The following GDPD3 variants were observed in gnomAD, a reference collection of about 807,000 sequenced individuals.
GDPD3 encodes glycerophosphodiester phosphodiesterase domain containing 3, also known as lysophospholipase D GDPD3.
GDPD3 carries 40 observed loss-of-function variants against 43.7 expected under a neutral mutation model. That is an observed-to-expected ratio of 0.91 (90% CI 0.71 to 1.19). GDPD3 has a LOEUF of 1.19. Among genes scored for constraint, GDPD3 ranks in the 50% most tolerant of loss-of-function variants. The pLI is 0.00. For synonymous variants in GDPD3, 145 were observed against 162.9 expected (o/e 0.89, Z 0.84); for missense variants, 363 against 415.8 (o/e 0.87, Z 1.11).
intron 7 of GDPD3, 123 bp downstream of exon 7, chr16:30,111,265 G>T: frequency 1.8e-6 from 2 of 1,096,616 alleles, no homozygotes; most frequent in Non-Finnish European, 1.3e-6. Context: ...AAGAACCACT[G>T]TCCTTAAAAG....
Position 30,104,913 on chromosome 16 carries a change from G to A in GDPD3, c.916C>T (p.His306Tyr). The A allele has an allele frequency of 1.2e-6, 2 of 1,612,702 alleles. No homozygotes were observed. Among genetic ancestry groups the A allele is most frequent in the Non-Finnish European group, 1.7e-6 (2 of 1,179,996 alleles). ...GCTGGTCCATGGTTGTCCAGGTAGTGCCGCAGGGCTGTGGGATAATCCGTT... is the reference window on the plus strand; with the variant it reads ...GCTGGTCCATGGTTGTCCAGGTAGTACCGCAGGGCTGTGGGATAATCCGTT... The part of the protein sequence containing the change: ...VITDYPTALR[H>Y]YLDNHGPAAR... The change falls in exon 10 of 10, where the codon CAC (histidine) becomes TAC (tyrosine). Residue 306 changes from histidine (H) to tyrosine (Y), a missense_variant. Coordinates refer to ENST00000406256, the MANE Select transcript of GDPD3 (RefSeq NM_024307.3).
chr16:30,105,739 G>A (rs1346377607), intron 9 of GDPD3, among the ~76,000 whole-genome samples: 1 of 149,324 alleles, frequency 6.7e-6, no homozygotes, highest in Non-Finnish European at 1.5e-5. Context: ...TCCTAACCTC[G>A]TGATCCACCC....
chr16:30,108,653 C>T (rs1794709829), intron 7 of GDPD3, among the ~76,000 whole-genome samples: 10 of 151,922 alleles, frequency 6.6e-5, no homozygotes, highest in Admixed American at 6.6e-4. Flanking sequence ...AGTCACCATT[C>T]ACCAGATAAG....
At chr16:30,105,403 G>A (rs1036856089) in intron 9 of GDPD3, among the ~76,000 whole-genome samples, 1 of 150,236 alleles carries the variant, frequency 6.7e-6, no homozygotes, top group Non-Finnish European at 1.5e-5. Context: ...GCTGCAGTGA[G>A]CTATGGTTGC....
At chr16:30,111,919 A>G (rs1480978448) in intron 6 of GDPD3, 14 of 591,120 alleles carry the variant, frequency 2.4e-5, no homozygotes, top group Non-Finnish European at 3.9e-5. Flanking sequence ...GGCGACAGAG[A>G]GAGACTGTGT....
At position 30,112,210 on chromosome 16, in the gene GDPD3, C is replaced by T. The variant is rs1374622144; in HGVS notation, c.495G>A (p.Leu165=). The stretch of plus-strand genomic sequence containing the variant: ...TTTCATTACGGTCATAGCGTCTCAC[C>T]AAGCCTGCTATCTGGGAGGAGGAGA... ...NEELIREIAG[L]VRRYDRNEIT... Residue 165 remains leucine (L), a synonymous_variant, in exon 6 of 10, where the codon TTG becomes TTA. Transcript: ENST00000406256. This position sits in a 1 kb window ranked among gnomAD's most constrained non-coding sequence, Gnocchi z 5.4. 1 of 1,614,014 alleles carries T rather than the reference C, an allele frequency of 6.2e-7. No individual in the cohort carries two copies. The highest frequency in any genetic ancestry group is 1.1e-5 in the South Asian group (1 of 91,080).
intron 7 of GDPD3, chr16:30,111,120 C>G (rs1258614343): frequency 2.7e-6 from 1 of 364,652 alleles, no homozygotes. Flanking sequence ...ATAACTGCAC[C>G]TGGGACAGAG....
chr16:30,108,934 C>T (rs1413598155), intron 7 of GDPD3, among the ~76,000 whole-genome samples: 7 of 151,952 alleles, frequency 4.6e-5, no homozygotes, highest in Non-Finnish European at 1.0e-4. Context: ...TGGGTTCACA[C>T]CATTCTCCTG....
In GDPD3 at chr16:30,104,936, G is replaced by A. The variant is rs142690557; in HGVS notation, c.893C>T (p.Thr298Met). 171 of 1,612,750 alleles carry A rather than the reference G, an allele frequency of 1.1e-4. No homozygotes were observed. Among genetic ancestry groups the A allele is most frequent in the African/African-American group, 6.1e-4 (46 of 74,876 alleles). Residue 298 changes from threonine to methionine, a missense_variant, in exon 10 of 10, where the codon ACG becomes ATG. Coordinates refer to ENST00000406256, the MANE Select transcript of GDPD3 (RefSeq NM_024307.3). Reference sequence around the variant, plus strand: ...GTGCCGCAGGGCTGTGGGATAATCCGTTATGACGCCAGTGGCTCCCACGCT... The same window carrying A: ...GTGCCGCAGGGCTGTGGGATAATCCATTATGACGCCAGTGGCTCCCACGCT... ...AFSVGATGVI[T>M]DYPTALRHYL...
Position 30,113,173 on chromosome 16 carries a change from C to A in GDPD3, c.140-109G>T. ...CTCCATCCTCCCTCTGGCCTCACCT[C>A]CCCAGCCAGCCCAGGCTGCGCCAGC... On this transcript the variant is annotated intron_variant, in intron 1 of 9. Coordinates refer to ENST00000406256, the MANE Select transcript of GDPD3 (RefSeq NM_024307.3). The surrounding 1 kb of genome is among the most constrained non-coding windows in gnomAD (Gnocchi z 5.9). 7.4e-7 allele frequency: 1 copy of A among 1,351,810 alleles called. No homozygotes were observed. The highest frequency in any genetic ancestry group is 2.3e-5 in the East Asian group (1 of 43,520). The allele number at this position is 1,351,810 out of a possible 1,614,324, so 83.7% of individuals were successfully genotyped here.
chr16:30,109,164 G>A (rs2072882877), intron 7 of GDPD3, among the ~76,000 whole-genome samples: 1 of 152,082 alleles, frequency 6.6e-6, no homozygotes, highest in African/African-American at 2.4e-5. Context: ...GTCTCACTAT[G>A]TTGCCCAGGC....
Position 30,112,500 on chromosome 16 carries a change from G to C in GDPD3, c.364+23C>G, listed in dbSNP as rs1267006670. 6.2e-7 allele frequency: 1 copy of C among 1,614,116 alleles called. No homozygotes were observed. The highest frequency in any genetic ancestry group is 1.7e-5 in the Admixed American group (1 of 60,020). On this transcript the variant is annotated intron_variant, in intron 4 of 9. Transcript: ENST00000406256. This position sits in a 1 kb window ranked among gnomAD's most constrained non-coding sequence, Gnocchi z 5.4. The stretch of plus-strand genomic sequence containing the variant: ...AAGGAAGGCAGGCATGGCCCAGGCA[G>C]GGCTCGAAGCCCTTGCTCTCACCTG...
At chr16:30,111,086 C>G (rs1328528707) in intron 7 of GDPD3, 1 of 225,254 alleles carries the variant, frequency 4.4e-6, no homozygotes. Flanking sequence ...CTCTCCCCAC[C>G]CTCACTGGTC....
Position 30,113,390 on chromosome 16 carries a change from TGCA to T in GDPD3, c.86_88del (p.Leu29del). 1 of 1,612,234 alleles carries T rather than the reference TGCA, an allele frequency of 6.2e-7. No homozygotes were observed. Among genetic ancestry groups the T allele is most frequent in the Non-Finnish European group, 8.5e-7 (1 of 1,178,914 alleles). ...GCGGAAGGTGGGAGCCCTGGGCGTG[TGCA>T]GCAGATGAGGCCGGCGCAGGAAGAA... On this transcript the variant is annotated inframe_deletion, in exon 1 of 10. Transcript: ENST00000406256. The surrounding 1 kb of genome is among the most constrained non-coding windows in gnomAD (Gnocchi z 5.9).
intron 7 of GDPD3, among the ~76,000 whole-genome samples, chr16:30,109,038 G>C (rs1337766648): frequency 6.6e-6 from 1 of 152,052 alleles, no homozygotes; most frequent in Non-Finnish European, 1.5e-5. Flanking sequence ...CACCCTGTTA[G>C]CCAGGATGGT....
intron 9 of GDPD3, among the ~76,000 whole-genome samples, chr16:30,105,697 G>T (rs2151039206): frequency 6.7e-6 from 1 of 149,878 alleles, no homozygotes; most frequent in Admixed American, 6.6e-5. Context: ...TAGAGATGGG[G>T]TTTCACCATG....
rs538929191 is a variant in GDPD3, at chr16:30,111,715, C to G, written c.574-194G>C. ...TGGGAGGCTGAGGCAGGTGGATCAC[C>G]TGAGATCAGGAGTTCAAGACCAGCC... On this transcript the variant is annotated intron_variant, in intron 6 of 9. Transcript: ENST00000406256. 1.7e-4 allele frequency: 104 copies of G among 599,510 alleles called. 2 individuals carry two copies. In the South Asian group the frequency reaches 2.0e-3, roughly 12 times the overall value. 37.1% of individuals were successfully genotyped at this position (599,510 alleles called of 1,614,324 possible).
At chr16:30,105,757 C>T (rs1024794043) in intron 9 of GDPD3, among the ~76,000 whole-genome samples, 3 of 146,840 alleles carry the variant, frequency 2.0e-5, no homozygotes, top group Non-Finnish European at 4.5e-5. Flanking sequence ...CCCGCCTCGG[C>T]CTCCCAAAGT....
At chr16:30,106,312 C>T (rs936886618) in intron 9 of GDPD3, among the ~76,000 whole-genome samples, 36 of 152,092 alleles carry the variant, frequency 2.4e-4, no homozygotes, top group Non-Finnish European at 4.6e-4. Context: ...GGCTTCATGT[C>T]GGCAGCCTGA....
Sources: gnomAD v4.1 joint callset for allele counts (sites outside exome capture counted in the v4.1 genomes callset) on GRCh38, gnomAD v4.1.1 for gene constraint, Gnocchi (gnomAD v3.1) non-coding constraint, MANE v1.5 for transcripts, NCBI Gene and HGNC (gene_info 2026-07-23, HGNC 2026-07-21) for gene names.